The following FLT1 variants were observed in gnomAD, a reference collection of about 807,000 sequenced individuals.
The protein encoded by FLT1 is fms related receptor tyrosine kinase 1.
In FLT1, 49 loss-of-function variants were observed where a neutral mutation model predicts 156.3. The observed-to-expected ratio is 0.31, with a 90% CI of 0.25 to 0.40. FLT1 has a LOEUF of 0.40. FLT1 is among the 10% of genes least tolerant of loss of function. The pLI, the probability that FLT1 is intolerant of heterozygous loss-of-function variation, is 1.00. For missense variants in FLT1, 1,322 were observed against 1,637.2 expected (o/e 0.81, Z 3.32); for synonymous variants, 594 against 583.8 (o/e 1.02, Z -0.25).
chr13:28,306,734 G>A lies in FLT1; in HGVS notation c.3759C>T (p.Pro1253=), dbSNP rs200421157. ...QGDSSTLLAS[P]MLKRFTWTDS... is the part of the protein sequence containing the mutation. ...CAGTCCAGGTGAAGCGCTTCAGCAT[G>A]GGAGAGGCCAACAGAGTGCTGCTGT... Residue 1253 remains proline (P), a synonymous_variant, in exon 29 of 30, where the codon CCC becomes CCT. Transcript: ENST00000282397. 4 of 1,613,890 alleles carry A rather than the reference G, an allele frequency of 2.5e-6. No individual in the cohort carries two copies. In the African/African-American group the frequency reaches 4.0e-5, roughly 16 times the overall value.
intron 3 of FLT1, among the ~76,000 whole-genome samples, chr13:28,450,253 A>G (rs1878858461): frequency 6.6e-6 from 1 of 152,202 alleles, no homozygotes; most frequent in Non-Finnish European, 1.5e-5. Flanking sequence ...CCTGCCTTGA[A>G]GGGAAGTAGG....
intron 3 of FLT1, among the ~76,000 whole-genome samples, chr13:28,446,127 C>A (rs570208302): frequency 6.6e-6 from 1 of 152,300 alleles, no homozygotes; most frequent in East Asian, 1.9e-4. Flanking sequence ...TGAAAACACT[C>A]AGGAAAATGG....
intron 14 of FLT1, chr13:28,368,392 T>TCCAC (rs1364638682): frequency 8.1e-7 from 1 of 1,229,288 alleles, no homozygotes; most frequent in Non-Finnish European, 1.1e-6. Flanking sequence ...CCTCAAATGA[T>TCCAC]CCACCTGCCT....
chr13:28,417,006 A>G (rs1876686688), intron 10 of FLT1, among the ~76,000 whole-genome samples: 1 of 152,180 alleles, frequency 6.6e-6, no homozygotes, highest in Admixed American at 6.5e-5. Flanking sequence ...AGTTTCTGAG[A>G]TACAGTGCGC....
intron 10 of FLT1, 92 bp from the exon 11 acceptor site, chr13:28,405,986 A>G (rs573290059): frequency 1.2e-5 from 9 of 747,660 alleles, no homozygotes; most frequent in South Asian, 9.8e-5. Flanking sequence ...AAGTCCTCAG[A>G]TAACAAAGTC....
At chr13:28,462,151 C>A (rs756942205) in intron 3 of FLT1, among the ~76,000 whole-genome samples, 1 of 152,126 alleles carries the variant, frequency 6.6e-6, no homozygotes, top group Non-Finnish European at 1.5e-5. Context: ...GAGCTCAACA[C>A]CCTAAGTTTA....
chr13:28,390,872 G>A (rs1874669590), intron 12 of FLT1, among the ~76,000 whole-genome samples: 1 of 152,184 alleles, frequency 6.6e-6, no homozygotes, highest in Admixed American at 6.5e-5. Context: ...CCTAGGTAAA[G>A]TGCCAATCAA....
In FLT1 at chr13:28,336,077, C is replaced by T. The variant is rs139180187; in HGVS notation, c.2489-1948G>A. ...CCTGAGAAATATCCAGATCTTTTCT[C>T]CTTACACACCTAAGACCCTTGCATG... On this transcript the variant is annotated intron_variant, in intron 17 of 29. Coordinates refer to ENST00000282397, the MANE Select transcript of FLT1 (RefSeq NM_002019.4). Among the ~76,000 whole-genome samples, 61 of 152,342 alleles carry T rather than the reference C, an allele frequency of 4.0e-4. No homozygotes were observed. In the East Asian group the frequency reaches 7.9e-3, roughly 20 times the overall value.
intron 13 of FLT1, chr13:28,386,704 T>C (rs1205519155): frequency 1.6e-5 from 17 of 1,056,140 alleles, no homozygotes; most frequent in Non-Finnish European, 1.9e-5. Flanking sequence ...TTGTACATGC[T>C]TGCTCATTAC....
At chr13:28,465,315 T>C (rs1480691320) in intron 3 of FLT1, among the ~76,000 whole-genome samples, 1 of 152,128 alleles carries the variant, frequency 6.6e-6, no homozygotes, top group Non-Finnish European at 1.5e-5. Context: ...GCTTGGATGG[T>C]TAGTCCCTTA....
Position 28,322,941 on chromosome 13 carries a change from T to C in FLT1, c.2802A>G (p.Ala934=). 6.2e-7 allele frequency: 1 copy of C among 1,614,180 alleles called. No individual in the cohort carries two copies. Among genetic ancestry groups the C allele is most frequent in the South Asian group, 1.1e-5 (1 of 91,086 alleles). The change falls in exon 21 of 30, where the codon GCA becomes GCG. Residue 934 remains alanine, a synonymous_variant. Transcript: ENST00000282397. The surrounding 1 kb of genome is among the most constrained non-coding windows in gnomAD (Gnocchi z 4.3). ...CTTTCTTAGGCTCCATGTGTAGTGCTGCATCCTTTGAAGAGACCGAAAAGG... is the reference window on the plus strand; with the variant it reads ...CTTTCTTAGGCTCCATGTGTAGTGCCGCATCCTTTGAAGAGACCGAAAAGG... ...KRDLFFLNKD[A]ALHMEPKKEK... is the part of the protein sequence containing the mutation.
chr13:28,415,461 A>G (rs995764259), intron 10 of FLT1, among the ~76,000 whole-genome samples: 7 of 152,286 alleles, frequency 4.6e-5, no homozygotes, highest in East Asian at 3.9e-4. Flanking sequence ...AGCCTGGGCA[A>G]CAACAGCAAA....
chr13:28,347,127 T>A (rs1471711378), intron 15 of FLT1, among the ~76,000 whole-genome samples: 1 of 152,170 alleles, frequency 6.6e-6, no homozygotes, highest in East Asian at 1.9e-4. Flanking sequence ...CTAATAGTAA[T>A]CTAATAATAC....
chr13:28,360,561 T>C (rs1030076834), intron 14 of FLT1, among the ~76,000 whole-genome samples: 1 of 152,176 alleles, frequency 6.6e-6, no homozygotes, highest in Non-Finnish European at 1.5e-5. Flanking sequence ...CTAGAGGACA[T>C]TATGTTGAGC....
chr13:28,314,517 G>A (rs145871067), intron 25 of FLT1, among the ~76,000 whole-genome samples: 19 of 152,270 alleles, frequency 1.2e-4, no homozygotes, highest in African/African-American at 3.9e-4. Flanking sequence ...CTAAGTAAAT[G>A]GGTTTAGTAA....
chr13:28,454,108 C>T (rs916984851), intron 3 of FLT1, among the ~76,000 whole-genome samples: 1 of 152,178 alleles, frequency 6.6e-6, no homozygotes, highest in Admixed American at 6.5e-5. Flanking sequence ...GCTCTTTCCC[C>T]AGTATGGTTA....
intron 11 of FLT1, among the ~76,000 whole-genome samples, chr13:28,402,661 A>T (rs772813584): frequency 6.6e-6 from 1 of 152,206 alleles, no homozygotes; most frequent in Non-Finnish European, 1.5e-5. Flanking sequence ...TCTTCATTGT[A>T]TATGATCACA....
chr13:28,323,608 G>A (rs79161262), intron 20 of FLT1, among the ~76,000 whole-genome samples: 1,843 of 143,684 alleles, frequency 0.013, 46 homozygotes, highest in African/African-American at 0.044. Flanking sequence ...CCGAGATCAC[G>A]CCATTGCACT....
At chr13:28,397,169 T>C (rs1875098649) in intron 11 of FLT1, 101 bp from the exon 12 acceptor site, 1 of 744,706 alleles carries the variant, frequency 1.3e-6, no homozygotes, top group Non-Finnish European at 2.4e-6. Context: ...CTCCATTCAT[T>C]CTGCAAAGAG....
Sources: gnomAD v4.1 joint callset for allele counts (sites outside exome capture counted in the v4.1 genomes callset) on GRCh38, gnomAD v4.1.1 for gene constraint, Gnocchi (gnomAD v3.1) non-coding constraint, MANE v1.5 for transcripts, NCBI Gene and HGNC (gene_info 2026-07-23, HGNC 2026-07-21) for gene names.